Variants in JAKMIP3 observed in about 807,000 individuals in gnomAD.
JAKMIP3 encodes Janus kinase and microtubule interacting protein 3.
A neutral mutation model predicts 118.5 loss-of-function variants in JAKMIP3; 58 were observed. The observed-to-expected ratio is 0.49, with a 90% CI of 0.40 to 0.61. The LOEUF (loss-of-function observed/expected upper bound fraction) is 0.61, where lower values mean the gene tolerates loss of function less well. Among genes scored for constraint, JAKMIP3 ranks in the 20% least tolerant of loss-of-function variants. The pLI, the probability that JAKMIP3 is intolerant of heterozygous loss-of-function variation, is 0.00. For missense variants in JAKMIP3, 950 were observed against 1,109.0 expected (o/e 0.86, Z 2.04); for synonymous variants, 486 against 451.2 (o/e 1.08, Z -0.98).
intron 3 of JAKMIP3, among the ~76,000 whole-genome samples, chr10:132,126,838 T>A (rs1163258413): frequency 1.3e-5 from 2 of 152,226 alleles, no homozygotes; most frequent in African/African-American, 4.8e-5. Context: ...TAAATTTTAC[T>A]GGGCCATGAT....
intron 2 of JAKMIP3, among the ~76,000 whole-genome samples, chr10:132,110,275 C>T (rs1349994810): frequency 6.6e-6 from 1 of 152,352 alleles, no homozygotes; most frequent in Non-Finnish European, 1.5e-5. Context: ...CATCTGGTGG[C>T]CTCCACCAGC....
intron 1 of JAKMIP3, among the ~76,000 whole-genome samples, chr10:132,071,182 TG>T (rs2039780897): frequency 6.6e-6 from 1 of 151,896 alleles, no homozygotes; most frequent in African/African-American, 2.4e-5. Flanking sequence ...TGTGTGTGTG[TG>T]TGTGTGTGTT....
rs1157345335 is a variant in JAKMIP3 at position 132,180,555 on chromosome 10, ATGCGTGTGTG to A, written c.*1104-1789_*1104-1780del. Among the ~76,000 whole-genome samples, 2 of 8,752 alleles carry A rather than the reference ATGCGTGTGTG, an allele frequency of 2.3e-4. 1 individual carries two copies. Among genetic ancestry groups the A allele is most frequent in the Non-Finnish European group, 5.1e-4 (2 of 3,928 alleles). The allele number at this position is 8,752 out of a possible 152,430, so 5.7% of individuals were successfully genotyped here. On this transcript the variant is annotated intron_variant, in intron 23 of 23. Coordinates refer to ENST00000684848, the MANE Select transcript of JAKMIP3 (RefSeq NM_001323087.2). ...TGTGTGTGTGTGTGTGCGTGCGTGCATGCGTGTGTGTGCGTGTGTGTGTGCGTGCGCGTGT... is the reference window on the plus strand; with the variant it reads ...TGTGTGTGTGTGTGTGCGTGCGTGCATGCGTGTGTGTGTGCGTGCGCGTGT...
chr10:132,134,087 C>T (rs1041313737), intron 4 of JAKMIP3, among the ~76,000 whole-genome samples: 2 of 152,224 alleles, frequency 1.3e-5, no homozygotes, highest in Non-Finnish European at 1.5e-5. Context: ...CCGACCACCC[C>T]GGGCTGAGCT....
At chr10:132,178,173 A>G (rs1398922668) in intron 23 of JAKMIP3, among the ~76,000 whole-genome samples, 4 of 152,264 alleles carry the variant, frequency 2.6e-5, no homozygotes, top group African/African-American at 9.6e-5. Context: ...AGAGCAGAGC[A>G]CCACGTGCCT....
At chr10:132,106,045 C>T (rs2134976120) in intron 2 of JAKMIP3, among the ~76,000 whole-genome samples, 1 of 152,212 alleles carries the variant, frequency 6.6e-6, no homozygotes, top group South Asian at 2.1e-4. Flanking sequence ...TTTTGGTGCC[C>T]ACACCACAAG....
chr10:132,048,042 TG>T (rs1452697065), intron 1 of JAKMIP3, among the ~76,000 whole-genome samples: 1 of 152,176 alleles, frequency 6.6e-6, no homozygotes, highest in Non-Finnish European at 1.5e-5. Flanking sequence ...GTCCCCAGTG[TG>T]GGTTTAGCTG....
At position 132,117,425 on chromosome 10, in the gene JAKMIP3, A is replaced by G; in HGVS notation, c.484A>G (p.Lys162Glu). Residue 162 changes from lysine (K) to glutamate (E), a missense_variant, in exon 3 of 24, where the codon AAG (lysine) becomes GAG (glutamate). By Grantham distance (56) the Lys-to-Glu change is moderately conservative. Coordinates refer to ENST00000684848, the MANE Select transcript of JAKMIP3 (RefSeq NM_001323087.2). The surrounding 1 kb of genome is among the most constrained non-coding windows in gnomAD (Gnocchi z 8.6). ...VKMQQEISEL[K>E]GAKRQVEEAL... ...GATGCAGCAGGAGATCTCCGAGCTC[A>G]AGGGCGCCAAAAGGCAGGTGGAGGA... is the stretch of plus-strand genomic sequence containing the variant. 1.2e-6 allele frequency: 2 copies of G among 1,613,998 alleles called. No individual in the cohort carries two copies. The highest frequency in any genetic ancestry group is 1.7e-6 in the Non-Finnish European group (2 of 1,179,906).
At chr10:132,096,403 T>C (rs538136303) in intron 1 of JAKMIP3, among the ~76,000 whole-genome samples, 24 of 152,230 alleles carry the variant, frequency 1.6e-4, no homozygotes, top group Middle Eastern at 6.8e-3. Context: ...TCATACAACA[T>C]GTGTCTCCTT....
chr10:132,089,899 T>G (rs2134387883), intron 1 of JAKMIP3, among the ~76,000 whole-genome samples: 1 of 152,344 alleles, frequency 6.6e-6, no homozygotes, highest in African/African-American at 2.4e-5. Flanking sequence ...AATTAATTTA[T>G]TGAGAGTTTT....
intron 16 of JAKMIP3, among the ~76,000 whole-genome samples, chr10:132,152,281 G>A: frequency 6.6e-6 from 1 of 152,202 alleles, no homozygotes; most frequent in East Asian, 1.9e-4. Flanking sequence ...GGAGAGAATG[G>A]CATGGACAGG....
chr10:132,138,733 G>T (rs559682485), intron 9 of JAKMIP3, among the ~76,000 whole-genome samples: 4 of 152,180 alleles, frequency 2.6e-5, no homozygotes, highest in Non-Finnish European at 5.9e-5. Context: ...CACTGCCTGT[G>T]TAGGGTCCGA....
At chr10:132,075,734 T>TC (rs1280100188) in intron 1 of JAKMIP3, among the ~76,000 whole-genome samples, 1 of 152,180 alleles carries the variant, frequency 6.6e-6, no homozygotes, top group East Asian at 1.9e-4. Context: ...TTAGGAAGCC[T>TC]CCAGTGCCTT....
intron 1 of JAKMIP3, among the ~76,000 whole-genome samples, chr10:132,102,093 C>G (rs994422236): frequency 6.6e-6 from 1 of 152,148 alleles, no homozygotes; most frequent in African/African-American, 2.4e-5. Flanking sequence ...CCTGCAGAAC[C>G]TCCTGTCCCA....
chr10:132,067,679 ATGTGGACTGTGGGCTTCCG>A (rs1301525184), intron 1 of JAKMIP3, among the ~76,000 whole-genome samples: 5 of 84,268 alleles, frequency 5.9e-5, no homozygotes, highest in South Asian at 3.9e-4. Flanking sequence ...GTGGGCTTCC[ATGTGGACTGTGGGCTTCCG>A]TGTGGACTGT....
At chr10:132,083,986 C>A (rs537926143) in intron 1 of JAKMIP3, among the ~76,000 whole-genome samples, 1 of 152,152 alleles carries the variant, frequency 6.6e-6, no homozygotes, top group South Asian at 2.1e-4. Context: ...CAGATTTGTT[C>A]TTTTTGCTTA....
intron 1 of JAKMIP3, among the ~76,000 whole-genome samples, chr10:132,076,712 T>C (rs1222375769): frequency 8.1e-6 from 1 of 123,700 alleles, no homozygotes; most frequent in Non-Finnish European, 1.7e-5. Context: ...GGTCTTACCG[T>C]GTGAGGACTG....
chr10:132,096,352 C>T (rs1255878345), intron 1 of JAKMIP3, among the ~76,000 whole-genome samples: 1 of 152,234 alleles, frequency 6.6e-6, no homozygotes, highest in Non-Finnish European at 1.5e-5. Context: ...GCCTTCCTGC[C>T]AGTAGTAACC....
chr10:132,167,718 C>T (rs1025726304), intron 22 of JAKMIP3, among the ~76,000 whole-genome samples: 3 of 152,164 alleles, frequency 2.0e-5, no homozygotes, highest in Non-Finnish European at 2.9e-5. Context: ...TCTCCCTCTC[C>T]ATGAAGCCCC....
Sources: allele counts gnomAD v4.1 joint callset (sites outside exome capture counted in the v4.1 genomes callset), GRCh38; gene constraint gnomAD v4.1.1; non-coding constraint Gnocchi (gnomAD v3.1); transcripts MANE v1.5; gene names NCBI Gene and HGNC (gene_info 2026-07-23, HGNC 2026-07-21).